RBFOX1: variants seen among roughly 807,000 people sequenced by gnomAD.
RBFOX1 encodes RNA binding fox-1 homolog 1.
In RBFOX1, 8 loss-of-function variants were observed where a neutral mutation model predicts 57.7. The ratio of observed to expected loss-of-function variants is 0.14; its 90% CI spans 0.08 to 0.25. The LOEUF is 0.25. Ranked by LOEUF, RBFOX1 falls within the 10% of genes least tolerant of loss-of-function variation. RBFOX1 has a pLI of 1.00. For synonymous variants in RBFOX1, 326 were observed against 222.4 expected (o/e 1.47, Z -4.15); for missense variants, 611 against 548.5 (o/e 1.11, Z -1.14).
intron 9 of RBFOX1, among the ~76,000 whole-genome samples, chr16:7,598,071 T>A (rs772929655): frequency 6.6e-6 from 1 of 152,212 alleles, no homozygotes; most frequent in Non-Finnish European, 1.5e-5. Context: ...CATTCACATA[T>A]GAGTTATTAA....
intron 1 of RBFOX1, among the ~76,000 whole-genome samples, chr16:5,374,975 G>C (rs888567850): frequency 2.0e-5 from 3 of 151,008 alleles, no homozygotes; most frequent in African/African-American, 7.3e-5. Flanking sequence ...TCCTGGGATA[G>C]GTGAAAGGGA....
At chr16:5,483,299 G>A (rs890593854) in intron 2 of RBFOX1, among the ~76,000 whole-genome samples, 1 of 152,128 alleles carries the variant, frequency 6.6e-6, no homozygotes, top group East Asian at 1.9e-4. Context: ...CATGCTCTTC[G>A]TGCTCTTGGC....
intron 3 of RBFOX1, among the ~76,000 whole-genome samples, chr16:5,850,205 G>A (rs1387016291): frequency 6.6e-6 from 1 of 152,166 alleles, no homozygotes; most frequent in Admixed American, 6.5e-5. Context: ...ATAAGCGGAG[G>A]GGATGCTGCT....
chr16:6,632,055 A>G (rs957476419), intron 2 of RBFOX1, among the ~76,000 whole-genome samples: 2 of 152,104 alleles, frequency 1.3e-5, no homozygotes, highest in African/African-American at 4.8e-5. Flanking sequence ...TGTTTGGACA[A>G]TGTTTAGTAA....
intron 3 of RBFOX1, among the ~76,000 whole-genome samples, chr16:5,754,501 C>T (rs1029077316): frequency 1.4e-4 from 20 of 142,540 alleles, no homozygotes; most frequent in Admixed American, 2.1e-4. Context: ...TAAGGGGACC[C>T]GGGGAACCAG....
chr16:5,380,192 G>A (rs1389705650), intron 1 of RBFOX1, among the ~76,000 whole-genome samples: 1 of 152,194 alleles, frequency 6.6e-6, no homozygotes, highest in Non-Finnish European at 1.5e-5. Flanking sequence ...TCCACTTCCT[G>A]GCTGCTCAGC....
chr16:6,880,698 T>C (rs1304740028), intron 3 of RBFOX1, among the ~76,000 whole-genome samples: 1 of 152,260 alleles, frequency 6.6e-6, no homozygotes, highest in Non-Finnish European at 1.5e-5. Context: ...CTGTATGATG[T>C]TCCAGAGTCA....
intron 4 of RBFOX1, among the ~76,000 whole-genome samples, chr16:7,152,542 A>C (rs2076300461): frequency 6.6e-6 from 1 of 152,154 alleles, no homozygotes; most frequent in South Asian, 2.1e-4. Context: ...TTAGCTGTGC[A>C]ATCTTGATAA....
At chr16:7,202,701 A>C (rs894093964) in intron 4 of RBFOX1, among the ~76,000 whole-genome samples, 1 of 152,086 alleles carries the variant, frequency 6.6e-6, no homozygotes, top group Admixed American at 6.5e-5. Flanking sequence ...TCTTTTGTGA[A>C]CTCTGCATGT....
chr16:6,491,180 A>G (rs1415366421), intron 2 of RBFOX1, among the ~76,000 whole-genome samples: 3 of 151,884 alleles, frequency 2.0e-5, no homozygotes, highest in Non-Finnish European at 4.4e-5. Flanking sequence ...TCTATAGTCT[A>G]TTTATATGTA....
At chr16:7,445,150 A>C (rs2098798611) in intron 4 of RBFOX1, among the ~76,000 whole-genome samples, 1 of 152,094 alleles carries the variant, frequency 6.6e-6, no homozygotes, top group South Asian at 2.1e-4. Context: ...GTCCCTTTTA[A>C]AGGGCTCAGC....
chr16:5,539,641 C>G (rs930949465), intron 2 of RBFOX1, among the ~76,000 whole-genome samples: 10 of 152,098 alleles, frequency 6.6e-5, no homozygotes, highest in African/African-American at 2.4e-4. Context: ...ACAACAACAA[C>G]AAAAACCAAG....
rs488448 is a variant in RBFOX1, at chr16:5,392,620, C to T, written c.220-74596C>T. Among the ~76,000 whole-genome samples the T allele has an allele frequency of 2.6e-3, 395 of 151,606 alleles. 3 individuals carry two copies. The highest frequency in any genetic ancestry group is 9.2e-3 in the African/African-American group (379 of 41,266). ...GTGGTGCAATCACGACTCACTGAAG[C>T]GTCGACCTCCTGGGTTGAAGTGATC... On this transcript the variant is annotated intron_variant, in intron 1 of 2. Coordinates refer to the RBFOX1 transcript ENST00000585867.
At chr16:6,235,798 CT>C (rs2097501556) in intron 1 of RBFOX1, among the ~76,000 whole-genome samples, 1 of 151,944 alleles carries the variant, frequency 6.6e-6, no homozygotes, top group South Asian at 2.1e-4. Context: ...ATAGTGGGAG[CT>C]AAGCTACGAG....
intron 1 of RBFOX1, among the ~76,000 whole-genome samples, chr16:6,119,940 C>A (rs988082922): frequency 2.0e-5 from 3 of 152,226 alleles, no homozygotes; most frequent in African/African-American, 7.2e-5. Flanking sequence ...CACTCTTATT[C>A]CTTCTCCTCT....
At chr16:6,810,101 ATCTTT>A (rs555925521) in intron 3 of RBFOX1, among the ~76,000 whole-genome samples, 18 of 149,994 alleles carry the variant, frequency 1.2e-4, no homozygotes, top group Admixed American at 3.3e-4. Context: ...ACTGGTATCT[ATCTTT>A]TCTTGTCAAC....
intron 2 of RBFOX1, among the ~76,000 whole-genome samples, chr16:6,549,756 G>C (rs1246131148): frequency 6.6e-6 from 1 of 152,076 alleles, no homozygotes; most frequent in Admixed American, 6.5e-5. Flanking sequence ...GGGGAATACA[G>C]CTCTGACTAA....
At chr16:7,146,815 T>G (rs867800706) in intron 4 of RBFOX1, among the ~76,000 whole-genome samples, 9 of 150,228 alleles carry the variant, frequency 6.0e-5, no homozygotes, top group Middle Eastern at 3.4e-3. Context: ...TCCAAGGATG[T>G]GGCACATGCC....
In RBFOX1 at chr16:5,545,087, C is replaced by G. The variant is rs187530840; in HGVS notation, c.259-53815C>G. ...TGCCTCCTGGGTTCAAGTGATTCTT[C>G]TGCCTCAGCCTTCCGAGTAGCTGGG... On this transcript the variant is annotated intron_variant, in intron 2 of 2. Transcript: ENST00000585867. Among the ~76,000 whole-genome samples, 360 of 150,310 alleles carry G rather than the reference C, an allele frequency of 2.4e-3. 3 individuals are homozygous for G. Among genetic ancestry groups the G allele is most frequent in the African/African-American group, 8.4e-3 (343 of 40,652 alleles).
Sources: allele counts gnomAD v4.1 joint callset (sites outside exome capture counted in the v4.1 genomes callset), GRCh38; gene constraint gnomAD v4.1.1; transcripts MANE v1.5; gene names NCBI Gene and HGNC (gene_info 2026-07-23, HGNC 2026-07-21).